The following TASP1 variants were observed in gnomAD, a reference collection of about 807,000 sequenced individuals.
The protein encoded by TASP1 is threonine aspartase 1.
In TASP1, 16 loss-of-function variants were observed where a neutral mutation model predicts 56.6. The ratio of observed to expected loss-of-function variants is 0.28; its 90% CI spans 0.19 to 0.43. TASP1 has a LOEUF of 0.43. Ranked by LOEUF, TASP1 falls within the 20% of genes least tolerant of loss-of-function variation. The pLI is 1.00. For synonymous variants in TASP1, 179 were observed against 184.2 expected (o/e 0.97, Z 0.23); for missense variants, 393 against 511.6 (o/e 0.77, Z 2.24).
At chr20:13,531,740 T>C (rs1006937266) in intron 9 of TASP1, among the ~76,000 whole-genome samples, 6 of 152,166 alleles carry the variant, frequency 3.9e-5, no homozygotes, top group Non-Finnish European at 8.8e-5. Context: ...CTCAGCTCAC[T>C]GCAACCTCTG....
At chr20:13,526,303 T>A (rs189988233) in intron 10 of TASP1, among the ~76,000 whole-genome samples, 2 of 152,294 alleles carry the variant, frequency 1.3e-5, no homozygotes, top group South Asian at 4.1e-4. Context: ...CCTATCTCAC[T>A]GAACAACATA....
chr20:13,589,057 GTT>G (rs1222198899), intron 4 of TASP1, among the ~76,000 whole-genome samples: 6 of 133,760 alleles, frequency 4.5e-5, no homozygotes, highest in Admixed American at 1.5e-4. Flanking sequence ...TCTTTCGTGG[GTT>G]TTTTTTTTTT....
chr20:13,464,484 C>T (rs1417834488), intron 11 of TASP1, among the ~76,000 whole-genome samples: 1 of 152,062 alleles, frequency 6.6e-6, no homozygotes, highest in African/African-American at 2.4e-5. Flanking sequence ...CCCCAGCACA[C>T]TAATATAAGG....
At chr20:13,270,745 T>C in the TASP1 span, 1 of 1,613,086 alleles carries the variant, frequency 6.2e-7, no homozygotes, top group African/African-American at 1.3e-5. Context: ...AATATCCAGG[T>C]AATTCTTGGC....
the TASP1 span, among the ~76,000 whole-genome samples, chr20:13,227,755 G>A: frequency 1.9e-4 from 29 of 151,640 alleles, no homozygotes; most frequent in Admixed American, 4.6e-4. Flanking sequence ...TGATCCTCTC[G>A]CCTCTGCCTC....
chr20:13,201,701 G>A, the TASP1 span, among the ~76,000 whole-genome samples: 1 of 151,408 alleles, frequency 6.6e-6, no homozygotes, highest in South Asian at 2.1e-4. Flanking sequence ...ATTTAAAAAT[G>A]AAGAAAAGTT....
intron 8 of TASP1, among the ~76,000 whole-genome samples, chr20:13,548,353 A>G (rs1262627396): frequency 2.0e-5 from 3 of 152,146 alleles, no homozygotes; most frequent in African/African-American, 7.2e-5. Flanking sequence ...CATGATTCTA[A>G]ACATGCTGAG....
intron 4 of TASP1, among the ~76,000 whole-genome samples, chr20:13,606,316 T>G (rs149616686): frequency 6.6e-6 from 1 of 152,328 alleles, no homozygotes; most frequent in East Asian, 1.9e-4. Context: ...ATTTCATTCA[T>G]GTCTCTGTTC....
At chr20:13,131,904 T>C in the TASP1 span, among the ~76,000 whole-genome samples, 2 of 152,172 alleles carry the variant, frequency 1.3e-5, no homozygotes, top group African/African-American at 4.8e-5. Context: ...TCTCAGGATG[T>C]GGTCCTCCAT....
the TASP1 span, among the ~76,000 whole-genome samples, chr20:13,114,383 A>C: frequency 6.6e-6 from 1 of 152,238 alleles, no homozygotes; most frequent in African/African-American, 2.4e-5. Flanking sequence ...AGTGGTTGAG[A>C]ATCTCAAAAT....
chr20:13,445,671 G>A (rs373189837), intron 11 of TASP1, among the ~76,000 whole-genome samples: 3 of 152,184 alleles, frequency 2.0e-5, no homozygotes, highest in Non-Finnish European at 2.9e-5. Context: ...GAAGTTCTTC[G>A]CCTTCAGAAT....
chr20:13,153,987 G>A, the TASP1 span: 380 of 1,612,380 alleles, frequency 2.4e-4, 1 homozygote, highest in African/African-American at 4.2e-3. Flanking sequence ...TGGATTTCAC[G>A]CCTGTCTCTT....
intron 1 of TASP1, among the ~76,000 whole-genome samples, chr20:13,636,744 T>C (rs530685714): frequency 7.9e-5 from 12 of 152,128 alleles, no homozygotes; most frequent in South Asian, 2.1e-4. Context: ...AACAAGAGTG[T>C]TGAAATGGTT....
chr20:13,345,965 C>T, the TASP1 span, among the ~76,000 whole-genome samples: 2 of 150,894 alleles, frequency 1.3e-5, no homozygotes, highest in Non-Finnish European at 3.0e-5. Context: ...GACTACTTGG[C>T]CGACATACTA....
intron 7 of TASP1, among the ~76,000 whole-genome samples, chr20:13,560,902 T>C (rs1461602833): frequency 2.0e-5 from 3 of 152,060 alleles, no homozygotes; most frequent in African/African-American, 7.2e-5. Flanking sequence ...AACTGAGAGA[T>C]CCATACCAAG....
chr20:13,212,001 C>T, the TASP1 span, among the ~76,000 whole-genome samples: 71,771 of 151,964 alleles, frequency 0.47, 18,617 homozygotes, highest in African/African-American at 0.71. Context: ...TATGACACTA[C>T]GATCTTCATT....
the TASP1 span, among the ~76,000 whole-genome samples, chr20:13,317,254 C>T: frequency 6.1e-4 from 93 of 151,498 alleles, no homozygotes; most frequent in African/African-American, 1.8e-3. Context: ...ACCAAAAAAA[C>T]AAAACAAAAC....
At chr20:13,386,661 C>T (rs2876344), downstream of TASP1, among the ~76,000 whole-genome samples, 78,235 of 151,906 alleles carry the variant, frequency 0.52, 22,005 homozygotes, top group Non-Finnish European at 0.63. Context: ...AATATTACCA[C>T]TCTCAAATGT....
chr20:13,384,825 C>A (rs1463804726), downstream of TASP1, among the ~76,000 whole-genome samples: 1 of 152,162 alleles, frequency 6.6e-6, no homozygotes, highest in African/African-American at 2.4e-5. Context: ...CACAGGGATT[C>A]ATTGCTGCTG....
Sources: allele counts gnomAD v4.1 joint callset (sites outside exome capture counted in the v4.1 genomes callset), GRCh38; gene constraint gnomAD v4.1.1; transcripts MANE v1.5; gene names NCBI Gene and HGNC (gene_info 2026-07-23, HGNC 2026-07-21).